The following PDE1A variants were observed in gnomAD, a reference collection of about 807,000 sequenced individuals.
PDE1A encodes phosphodiesterase 1A.
A neutral mutation model predicts 61.7 loss-of-function variants in PDE1A; 35 were observed. The ratio of observed to expected loss-of-function variants is 0.57; its 90% CI spans 0.43 to 0.75. The LOEUF (loss-of-function observed/expected upper bound fraction) is 0.75, where lower values mean the gene tolerates loss of function less well. Among genes scored for constraint, PDE1A ranks in the 30% least tolerant of loss-of-function variants. PDE1A has a pLI of 0.00. For missense variants in PDE1A, 597 were observed against 630.6 expected (o/e 0.95, Z 0.57); for synonymous variants, 232 against 213.2 (o/e 1.09, Z -0.77).
In PDE1A at chr2:182,267,847, C is replaced by A. The variant is rs552711089; in HGVS notation, c.54-3433G>T. Among the ~76,000 whole-genome samples, 366 of 152,072 alleles carry A rather than the reference C, an allele frequency of 2.4e-3. 1 individual carries two copies. The highest frequency in any genetic ancestry group is 8.6e-3 in the African/African-American group (355 of 41,504). On this transcript the variant is annotated intron_variant, in intron 1 of 13. Coordinates refer to ENST00000351439, the Ensembl canonical transcript of PDE1A. The stretch of plus-strand genomic sequence containing the variant: ...TTTTCAAATGATTGTATGTTCTGTA[C>A]TGGTGGGTTCCAAAGTGTTAAGGCT...
chr2:182,317,650 G>A (rs1486164099), intron 1 of PDE1A, among the ~76,000 whole-genome samples: 1 of 152,180 alleles, frequency 6.6e-6, no homozygotes, highest in Non-Finnish European at 1.5e-5. Flanking sequence ...AAACCCTTCA[G>A]CAAAGATAAT....
intron 2 of PDE1A, among the ~76,000 whole-genome samples, chr2:182,464,855 C>T (rs1410310905): frequency 1.3e-5 from 2 of 152,006 alleles, no homozygotes; most frequent in African/African-American, 4.8e-5. Context: ...ACGAAAGCAC[C>T]ATTGTGCACA....
At chr2:182,334,003 A>T (rs1422764717) in intron 1 of PDE1A, among the ~76,000 whole-genome samples, 2 of 152,214 alleles carry the variant, frequency 1.3e-5, no homozygotes, top group Non-Finnish European at 2.9e-5. Flanking sequence ...ATTCCTGGAC[A>T]CATACACTAT....
chr2:182,296,955 G>A (rs968937275), intron 1 of PDE1A, among the ~76,000 whole-genome samples: 9 of 152,124 alleles, frequency 5.9e-5, no homozygotes, highest in African/African-American at 2.2e-4. Context: ...AAGGATTTAT[G>A]CCACAGGCTG....
intron 1 of PDE1A, among the ~76,000 whole-genome samples, chr2:182,371,725 A>G (rs1700137350): frequency 6.6e-6 from 1 of 152,318 alleles, no homozygotes; most frequent in Non-Finnish European, 1.5e-5. Context: ...ATTAAAAATC[A>G]TGCATGATTA....
At chr2:182,274,926 G>T (rs926424524) in intron 1 of PDE1A, among the ~76,000 whole-genome samples, 1 of 151,864 alleles carries the variant, frequency 6.6e-6, no homozygotes. Context: ...CATCATCACT[G>T]GTATAAACTT....
chr2:182,527,326 AAATATATATATATATATAT>A (rs1341207798), upstream of PDE1A, among the ~76,000 whole-genome samples: 275 of 21,728 alleles, frequency 0.013, 42 homozygotes, highest in South Asian at 0.037. Context: ...AAAAAAAAAA[AAATATATATATATATATAT>A]ATATATATAT....
intron 1 of PDE1A, among the ~76,000 whole-genome samples, chr2:182,358,343 T>C (rs79244098): frequency 0.045 from 6,785 of 152,212 alleles, 175 homozygotes; most frequent in Admixed American, 0.079. Flanking sequence ...CCCCATGCCT[T>C]TTCTGATGCC....
Position 182,260,295 on chromosome 2 carries a change from A to C in PDE1A, c.167+4006T>G, listed in dbSNP as rs78179639. 7.9e-4 allele frequency among the ~76,000 whole-genome samples: 121 copies of C among 152,342 alleles called. No individual in the cohort carries two copies. In the East Asian group the frequency reaches 0.016, roughly 20 times the overall value. On this transcript the variant is annotated intron_variant, in intron 2 of 13. Coordinates refer to ENST00000351439, the Ensembl canonical transcript of PDE1A. ...CTCACGGCATCGAATTTTCTATCAA[A>C]AAACATTTCAGAAGTCAAAAGGTTT...
chr2:182,174,355 A>G (rs1321829853), intron 13 of PDE1A, among the ~76,000 whole-genome samples: 1 of 142,394 alleles, frequency 7.0e-6, no homozygotes, highest in African/African-American at 2.7e-5. Context: ...GGAGGAATAT[A>G]AAGGTGGTAC....
intron 1 of PDE1A, among the ~76,000 whole-genome samples, chr2:182,363,997 A>G (rs1699667374): frequency 6.6e-6 from 1 of 152,038 alleles, no homozygotes; most frequent in Non-Finnish European, 1.5e-5. Context: ...TGTAATATGC[A>G]TCATGGTTCC....
chr2:182,147,934 A>T (rs953755969), intron 13 of PDE1A, among the ~76,000 whole-genome samples: 2 of 152,336 alleles, frequency 1.3e-5, no homozygotes, highest in Admixed American at 1.3e-4. Context: ...TTCCTTTAAC[A>T]TATATTGTAG....
the PDE1A span, among the ~76,000 whole-genome samples, chr2:182,693,955 G>A: frequency 3.3e-5 from 5 of 152,206 alleles, no homozygotes; most frequent in East Asian, 3.9e-4. Context: ...CCTCTTGACA[G>A]TGTTTTTATA....
chr2:182,323,553 G>A (rs1162429278), intron 1 of PDE1A, among the ~76,000 whole-genome samples: 2 of 152,160 alleles, frequency 1.3e-5, no homozygotes, highest in African/African-American at 2.4e-5. Flanking sequence ...TACCAGTTAA[G>A]AGCCAAAAGT....
chr2:182,353,617 A>T (rs1224727203), intron 1 of PDE1A, among the ~76,000 whole-genome samples: 2 of 152,128 alleles, frequency 1.3e-5, no homozygotes, highest in African/African-American at 4.8e-5. Flanking sequence ...CACATATTGA[A>T]AGGAAACAAT....
At chr2:182,525,987 A>G (rs1328374507), upstream of PDE1A, among the ~76,000 whole-genome samples, 1 of 152,290 alleles carries the variant, frequency 6.6e-6, no homozygotes, top group East Asian at 1.9e-4. Flanking sequence ...CAAAATCCCA[A>G]GTTAGCATCT....
At chr2:182,395,164 C>A (rs944915030) in intron 1 of PDE1A, among the ~76,000 whole-genome samples, 2 of 152,200 alleles carry the variant, frequency 1.3e-5, no homozygotes, top group African/African-American at 4.8e-5. Flanking sequence ...TTCTCCATTC[C>A]TGTTCATAAA....
exon 14 of PDE1A, chr2:182,168,165 T>C: frequency 6.5e-7 from 1 of 1,542,706 alleles, no homozygotes; most frequent in South Asian, 1.3e-5. Flanking sequence ...CAGGGTAGAT[T>C]TCCAGCAAGC....
chr2:182,202,730 TACTG>T (rs922766092), intron 8 of PDE1A, among the ~76,000 whole-genome samples: 29 of 152,316 alleles, frequency 1.9e-4, no homozygotes, highest in Admixed American at 1.4e-3. Context: ...CCATTGGTAT[TACTG>T]ACTATTTTAA....
Sources: gnomAD v4.1 joint callset for allele counts (sites outside exome capture counted in the v4.1 genomes callset) on GRCh38, gnomAD v4.1.1 for gene constraint, MANE v1.5 for transcripts, NCBI Gene and HGNC (gene_info 2026-07-23, HGNC 2026-07-21) for gene names.